Variants in MMS22L observed in about 807,000 individuals in gnomAD.
The protein encoded by MMS22L is protein MMS22-like.
Under a neutral mutation model 159.1 loss-of-function variants are expected in MMS22L, and 74 were observed. That is an observed-to-expected ratio of 0.47 (90% confidence interval 0.39 to 0.56). The LOEUF is 0.56. Among genes scored for constraint, MMS22L ranks in the 20% least tolerant of loss-of-function variants. The pLI is 0.00. For missense variants in MMS22L, 1,351 were observed against 1,422.1 expected (o/e 0.95, Z 0.80); for synonymous variants, 517 against 506.9 (o/e 1.02, Z -0.27).
intron 24 of MMS22L, 94 bp from the exon 25 acceptor site, chr6:97,146,981 C>A: frequency 1.2e-6 from 1 of 807,784 alleles, no homozygotes; most frequent in East Asian, 3.0e-5. Flanking sequence ...ATCATCCATC[C>A]ATCCATCTAT....
At chr6:97,258,723 A>G (rs1814102869) in intron 9 of MMS22L, 1 of 152,220 alleles carries the variant, frequency 6.6e-6, no homozygotes, top group Non-Finnish European at 1.5e-5. Context: ...TAGATTTAAA[A>G]TTGCTAATCC....
chr6:97,261,123 C>T (rs1133362), intron 9 of MMS22L: 4 of 152,074 alleles, frequency 2.6e-5, no homozygotes, highest in Non-Finnish European at 5.9e-5. Flanking sequence ...AGTTTTATAA[C>T]CACTGTTAGT....
intron 22 of MMS22L, among the ~76,000 whole-genome samples, chr6:97,161,291 T>C (rs1802407938): frequency 6.6e-6 from 1 of 152,044 alleles, no homozygotes; most frequent in South Asian, 2.1e-4. Context: ...TCTTTGACTG[T>C]CCCTTTCCCT....
Position 97,233,844 on chromosome 6 carries a change from C to A in MMS22L, c.1302+17G>T, listed in dbSNP as rs756863757. On this transcript the variant is annotated intron_variant, in intron 12 of 24. Coordinates refer to ENST00000683635, the MANE Select transcript of MMS22L (RefSeq NM_001350599.2). ...TTTTTAAAATTCCTGGAGCAAATTC[C>A]TATTCTATTCACTCACCAGGTTCTT... 3.2e-6 allele frequency: 5 copies of A among 1,580,516 alleles called. No individual in the cohort carries two copies. Among genetic ancestry groups the A allele is most frequent in the Non-Finnish European group, 4.3e-6 (5 of 1,166,790 alleles).
intron 14 of MMS22L, among the ~76,000 whole-genome samples, chr6:97,190,797 T>C (rs1470741337): frequency 6.6e-6 from 1 of 152,222 alleles, no homozygotes; most frequent in East Asian, 1.9e-4. Context: ...CCCAACTCGC[T>C]GTTTTCTTTA....
rs754592353 is a variant in MMS22L at position 97,282,317 on chromosome 6, T to C, written c.161A>G (p.Lys54Arg). ...GESYLCSGAL[K>R]RLILNLDPLP... Reference sequence around the variant, plus strand: ...AATGTCTCTGAGTTTTACCTACCGCTTAAGGGCTCCGCTGCAGAGGTAGGA... The same window carrying C: ...AATGTCTCTGAGTTTTACCTACCGCCTAAGGGCTCCGCTGCAGAGGTAGGA... Residue 54 changes from lysine (K) to arginine (R), a missense_variant, in exon 2 of 25, where the codon AAG becomes AGG. Lys to Arg is a conservative substitution (Grantham distance 26). Coordinates refer to ENST00000683635, the MANE Select transcript of MMS22L (RefSeq NM_001350599.2). 3 of 1,613,918 alleles carry C rather than the reference T, an allele frequency of 1.9e-6. No homozygotes were observed. In the South Asian group the frequency reaches 3.3e-5, roughly 18 times the overall value.
intron 10 of MMS22L, 91 bp downstream of exon 10, chr6:97,254,466 T>C (rs1582805209): frequency 9.9e-7 from 1 of 1,009,258 alleles, no homozygotes. Flanking sequence ...AGTCTGACTT[T>C]TCTTGTTTCT....
chr6:97,181,789 AGTGAGAGT>A lies in MMS22L; in HGVS notation c.2384+107_2384+114del, dbSNP rs1319469699. On this transcript the variant is annotated intron_variant, in intron 16 of 24. Coordinates refer to ENST00000683635, the MANE Select transcript of MMS22L (RefSeq NM_001350599.2). ...ATATCTGAAAGCAAAAACCTGACAA[AGTGAGAGT>A]ATATGTAGTAGAGATCAGTCCTCAT... 8 of 1,040,738 alleles carry A rather than the reference AGTGAGAGT, an allele frequency of 7.7e-6. No homozygotes were observed. The East Asian group carries it at 1.9e-4, about 25-fold the overall frequency. The allele number at this position is 1,040,738 out of a possible 1,614,324, so 64.5% of individuals were successfully genotyped here. A position where few individuals can be genotyped will look rare whatever the true frequency, so the allele number is the denominator to read the frequency against.
chr6:97,282,754 C>T (rs1407781379), intron 1 of MMS22L, among the ~76,000 whole-genome samples: 1 of 152,174 alleles, frequency 6.6e-6, no homozygotes, highest in Non-Finnish European at 1.5e-5. Context: ...CCTCGAAATC[C>T]GGCCACTAAG....
intron 20 of MMS22L, 70 bp from the exon 21 acceptor site, chr6:97,165,527 C>G: frequency 8.3e-7 from 1 of 1,208,166 alleles, no homozygotes; most frequent in African/African-American, 1.5e-5. Flanking sequence ...TAGAAACTCA[C>G]TAATGAAGTC....
At chr6:97,199,123 A>G (rs762181577) in intron 14 of MMS22L, among the ~76,000 whole-genome samples, 5 of 152,058 alleles carry the variant, frequency 3.3e-5, no homozygotes, top group Admixed American at 6.6e-5. Flanking sequence ...ATTCTACCAC[A>G]TTTTACATGT....
At chr6:97,202,356 A>T (rs1320062354) in intron 14 of MMS22L, among the ~76,000 whole-genome samples, 1 of 152,198 alleles carries the variant, frequency 6.6e-6, no homozygotes, top group Non-Finnish European at 1.5e-5. Flanking sequence ...CTGAGATCAT[A>T]TACCTTTAAA....
intron 24 of MMS22L, among the ~76,000 whole-genome samples, chr6:97,147,918 G>A (rs965134828): frequency 4.6e-5 from 7 of 152,030 alleles, no homozygotes; most frequent in Admixed American, 1.3e-4. Context: ...CTCATATATT[G>A]TTTAATAAAA....
chr6:97,238,003 G>A (rs1006943232), intron 11 of MMS22L, among the ~76,000 whole-genome samples: 2 of 152,154 alleles, frequency 1.3e-5, no homozygotes, highest in African/African-American at 4.8e-5. Context: ...TAAAAAATAT[G>A]CAAAGTTTGG....
chr6:97,253,459 AT>A (rs11356068), intron 10 of MMS22L: 51,125 of 124,272 alleles, frequency 0.41, 9,909 homozygotes, highest in African/African-American at 0.58. Flanking sequence ...AGGTATCTGG[AT>A]TTTTTTTTTT....
At chr6:97,243,761 T>C (rs1453990718) in intron 11 of MMS22L, among the ~76,000 whole-genome samples, 1 of 152,154 alleles carries the variant, frequency 6.6e-6, no homozygotes, top group Non-Finnish European at 1.5e-5. Context: ...TCTTTTGTAC[T>C]GCAGGGTGAT....
chr6:97,217,839 T>A (rs1021189021), intron 14 of MMS22L, among the ~76,000 whole-genome samples: 1 of 152,202 alleles, frequency 6.6e-6, no homozygotes, highest in African/African-American at 2.4e-5. Context: ...CATTACAGAA[T>A]CTTCGGTTCT....
chr6:97,227,394 C>T (rs1299738533), intron 14 of MMS22L, among the ~76,000 whole-genome samples: 1 of 152,140 alleles, frequency 6.6e-6, no homozygotes, highest in African/African-American at 2.4e-5. Flanking sequence ...CTTAGACCAA[C>T]ACCCTCCTCT....
chr6:97,233,979 C>T lies in MMS22L; in HGVS notation c.1184G>A (p.Gly395Asp), dbSNP rs764886614. ...ELLKKSISVQ[G>D]VILEEQLRMY... The stretch of plus-strand genomic sequence containing the variant: ...TCGTAATTGTTCTTCTAGAATGACA[C>T]CCTAAAAAATAAACTGAAGTTATGA... The change falls in exon 12 of 25, where the codon GGT becomes GAT. Residue 395 changes from glycine to aspartate, a missense_variant and splice_region_variant. Coordinates refer to ENST00000683635, the MANE Select transcript of MMS22L (RefSeq NM_001350599.2). The T allele has an allele frequency of 6.2e-7, 1 of 1,602,370 alleles. No individual in the cohort carries two copies. The highest frequency in any genetic ancestry group is 8.5e-7 in the Non-Finnish European group (1 of 1,176,084).
Sources: allele counts gnomAD v4.1 joint callset (sites outside exome capture counted in the v4.1 genomes callset), GRCh38; gene constraint gnomAD v4.1.1; transcripts MANE v1.5; gene names NCBI Gene and HGNC (gene_info 2026-07-23, HGNC 2026-07-21).